The following ZSWIM4 variants were observed in gnomAD, a reference collection of about 807,000 sequenced individuals.
ZSWIM4 encodes the protein zinc finger SWIM-type containing 4, also known as zinc finger SWIM domain-containing protein 4.
A neutral mutation model predicts 102.5 loss-of-function variants in ZSWIM4; 62 were observed. That is an observed-to-expected ratio of 0.60 (90% CI 0.49 to 0.75). ZSWIM4 has a LOEUF of 0.75. Among genes scored for constraint, ZSWIM4 ranks in the 30% least tolerant of loss-of-function variants. ZSWIM4 has a pLI of 0.00. For synonymous variants in ZSWIM4, 652 were observed against 674.5 expected, an observed-to-expected ratio of 0.97 and a Z score of 0.52; for missense variants, 1,280 against 1,529.6, an observed-to-expected ratio of 0.84 and a Z score of 2.72.
chr19:13,795,575 C>T lies in ZSWIM4; in HGVS notation c.-74C>T, dbSNP rs1331191269. 2.5e-5 allele frequency: 6 copies of T among 241,216 alleles called. No individual in the cohort carries two copies. Among genetic ancestry groups the T allele is most frequent in the Non-Finnish European group, 4.6e-5 (6 of 129,308 alleles). The allele number at this position is 241,216 out of a possible 1,614,324, so 14.9% of individuals were successfully genotyped here. On this transcript the variant is annotated 5_prime_UTR_variant, in exon 1 of 14. Coordinates refer to ENST00000590508, the MANE Select transcript of ZSWIM4 (RefSeq NM_001367834.3). ...GAAGGAGGGCAGGGGGCGCGGGAGCCGGCGAAGCGGAGCGGGCATCGGACC... is the reference window on the plus strand; with the variant it reads ...GAAGGAGGGCAGGGGGCGCGGGAGCTGGCGAAGCGGAGCGGGCATCGGACC...
chr19:13,830,523 C>G lies in ZSWIM4; in HGVS notation c.2794C>G (p.Arg932Gly), dbSNP rs565047636. 5 of 1,599,486 alleles carry G rather than the reference C, an allele frequency of 3.1e-6. No homozygotes were observed. Among genetic ancestry groups the G allele is most frequent in the Non-Finnish European group, 3.4e-6 (4 of 1,179,364 alleles). The stretch of plus-strand genomic sequence containing the variant: ...CACTGTGGCCCGCTATATGGAGCAC[C>G]GCGGGCTGCCGCTCCGGGCCTACAA... ...LFTVARYMEH[R>G]GLPLRAYKLA... The change falls in exon 14 of 14, where the codon CGC (arginine) becomes GGC (glycine). Residue 932 changes from arginine to glycine, a missense_variant. Arg to Gly is a moderately radical substitution (Grantham distance 125, BLOSUM62 -2). Transcript: ENST00000590508.
intron 5 of ZSWIM4, among the ~76,000 whole-genome samples, chr19:13,810,994 A>T (rs189691326): frequency 1.3e-4 from 19 of 144,042 alleles, no homozygotes; most frequent in African/African-American, 4.5e-4. Flanking sequence ...GCTCACTGCA[A>T]GCTCCGCCCC....
In ZSWIM4 at chr19:13,830,508, C is replaced by T; in HGVS notation, c.2779C>T (p.Arg927Cys). The T allele has an allele frequency of 6.2e-7, 1 of 1,600,228 alleles. No individual in the cohort carries two copies. The highest frequency in any genetic ancestry group is 1.3e-5 in the African/African-American group (1 of 75,038). Residue 927 changes from arginine to cysteine, a missense_variant, in exon 14 of 14, where the codon CGC (arginine) becomes TGC (cysteine). By Grantham distance (180) the Arg-to-Cys change is radical (BLOSUM62 -3). Coordinates refer to ENST00000590508, the MANE Select transcript of ZSWIM4 (RefSeq NM_001367834.3). ...CCACGCCCACCTCTTCACTGTGGCC[C>T]GCTATATGGAGCACCGCGGGCTGCC... ...LGHAHLFTVA[R>C]YMEHRGLPLR... is the part of the protein sequence containing the mutation.
intron 2 of ZSWIM4, among the ~76,000 whole-genome samples, chr19:13,800,137 G>A (rs1200847577): frequency 6.8e-6 from 1 of 147,840 alleles, no homozygotes; most frequent in Non-Finnish European, 1.5e-5. Flanking sequence ...GCGCGATCTC[G>A]GCTCACTGCA....
chr19:13,809,072 G>A lies in ZSWIM4; in HGVS notation c.864G>A (p.Val288=). 6.2e-7 allele frequency: 1 copy of A among 1,612,648 alleles called. No homozygotes were observed. Among genetic ancestry groups the A allele is most frequent in the Non-Finnish European group, 8.5e-7 (1 of 1,179,070 alleles). Residue 288 remains valine (V), a splice_region_variant and synonymous_variant, in exon 5 of 14, where the codon GTG becomes GTA. Transcript: ENST00000590508. The surrounding 1 kb of genome is among the most constrained non-coding windows in gnomAD (Gnocchi z 4.2). Reference sequence around the variant, plus strand: ...TCACCACCCTGTCCCCGGCACAGGTGCGGGAGATGCTGCGAATGCGGGACT... The same window carrying A: ...TCACCACCCTGTCCCCGGCACAGGTACGGGAGATGCTGCGAATGCGGGACT... ...SQQLRSMFSK[V]REMLRMRDSN... is the part of the protein sequence containing the mutation.
chr19:13,827,468 G>C (rs112087823), intron 12 of ZSWIM4, among the ~76,000 whole-genome samples: 6,613 of 150,548 alleles, frequency 0.044, 482 homozygotes, highest in African/African-American at 0.15. Context: ...TGGTGGACGC[G>C]TGTAGTCCCA....
At position 13,819,359 on chromosome 19, in the gene ZSWIM4, G is replaced by A; in HGVS notation, c.1927G>A (p.Gly643Ser). Residue 643 changes from glycine (G) to serine (S), a missense_variant and splice_region_variant, in exon 10 of 14, where the codon GGT (glycine) becomes AGT (serine). Gly to Ser is a moderately conservative substitution (Grantham distance 56). Coordinates refer to ENST00000590508, the MANE Select transcript of ZSWIM4 (RefSeq NM_001367834.3). Reference sequence around the variant, plus strand: ...CTGAGCTCAGGCTGTTCCTGCAGGGGGTCCCTTCAGTGGCTTTGGGGAGGT... The same window carrying A: ...CTGAGCTCAGGCTGTTCCTGCAGGGAGTCCCTTCAGTGGCTTTGGGGAGGT... ...RKQAGLLLEGGPFSGFGEVLF... is the reference protein window; with the variant it reads ...RKQAGLLLEGSPFSGFGEVLF... The A allele has an allele frequency of 6.2e-7, 1 of 1,613,908 alleles. No homozygotes were observed. Among genetic ancestry groups the A allele is most frequent in the Non-Finnish European group, 8.5e-7 (1 of 1,179,934 alleles).
chr19:13,799,949 G>C (rs770433660), intron 2 of ZSWIM4, 28 bp downstream of exon 2: 3 of 1,594,924 alleles, frequency 1.9e-6, no homozygotes, highest in Non-Finnish European at 2.6e-6. Flanking sequence ...ACTCCTGCTG[G>C]GGAGGCCAGG....
Position 13,825,656 on chromosome 19 carries a change from G to C in ZSWIM4, c.2322G>C (p.Pro774=), listed in dbSNP as rs764944710. The part of the protein sequence containing the change: ...LAQDACKTAT[P]VSAPPDTTLL... ...AGGACGCCTGCAAGACAGCCACCCC[G>C]GTCAGCGCCCCACCAGACACCACGC... Residue 774 remains proline, a synonymous_variant, in exon 12 of 14, where the codon CCG becomes CCC. Transcript: ENST00000590508. This position sits in a 1 kb window ranked among gnomAD's most constrained non-coding sequence, Gnocchi z 4.6. 1.9e-6 allele frequency: 3 copies of C among 1,613,458 alleles called. No homozygotes were observed. The highest frequency in any genetic ancestry group is 1.1e-5 in the South Asian group (1 of 91,078).
At chr19:13,824,884 A>G (rs1307949767) in intron 11 of ZSWIM4, among the ~76,000 whole-genome samples, 1 of 151,960 alleles carries the variant, frequency 6.6e-6, no homozygotes, top group Non-Finnish European at 1.5e-5. Flanking sequence ...CCCATTTTAC[A>G]GATGGGGCAG....
intron 3 of ZSWIM4, among the ~76,000 whole-genome samples, chr19:13,808,482 T>A (rs1974976924): frequency 2.0e-5 from 3 of 151,900 alleles, no homozygotes; most frequent in African/African-American, 7.3e-5. Flanking sequence ...ATGCCTGTAA[T>A]CCCAGCACTT....
At chr19:13,801,090 C>A (rs1974758593) in intron 2 of ZSWIM4, among the ~76,000 whole-genome samples, 2 of 150,902 alleles carry the variant, frequency 1.3e-5, no homozygotes, top group African/African-American at 4.9e-5. Context: ...CTGCAGTAAG[C>A]TATGATTGCA....
intron 8 of ZSWIM4, 119 bp from the exon 9 acceptor site, chr19:13,817,603 G>A: frequency 1.5e-6 from 2 of 1,294,198 alleles, no homozygotes; most frequent in South Asian, 1.5e-5. Context: ...AGTGCTGGGA[G>A]CTTCTGGGCT....
At chr19:13,803,174 G>A (rs10410199) in intron 2 of ZSWIM4, among the ~76,000 whole-genome samples, 2,490 of 152,270 alleles carry the variant, frequency 0.016, 65 homozygotes, top group African/African-American at 0.057. Context: ...ACATGGCCCC[G>A]CTGACCACGG....
At chr19:13,829,741 C>T (rs560959748) in intron 13 of ZSWIM4, among the ~76,000 whole-genome samples, 11 of 152,106 alleles carry the variant, frequency 7.2e-5, no homozygotes, top group Middle Eastern at 3.4e-3. Context: ...AGGAGAATGG[C>T]GTGAACCCAG....
chr19:13,805,171 G>A (rs1000853971), intron 3 of ZSWIM4, 23 bp downstream of exon 3: 1 of 1,577,496 alleles, frequency 6.3e-7, no homozygotes, highest in Admixed American at 1.7e-5. Context: ...CGGGGGTCCG[G>A]TGGGGAGAGG....
At position 13,809,975 on chromosome 19, in the gene ZSWIM4, T is replaced by A. The variant is rs180975536; in HGVS notation, c.1012+755T>A. 4.3e-4 allele frequency among the ~76,000 whole-genome samples: 65 copies of A among 151,208 alleles called. No individual in the cohort carries two copies. The highest frequency in any genetic ancestry group is 1.5e-3 in the African/African-American group (61 of 40,986). Reference sequence around the variant, plus strand: ...CCAAGCTGACATATTTTTGTTTGTTTGTTTTCTTTTCTTTTCTTTTTTTTT... The same window carrying A: ...CCAAGCTGACATATTTTTGTTTGTTAGTTTTCTTTTCTTTTCTTTTTTTTT... On this transcript the variant is annotated intron_variant, in intron 5 of 13. Transcript: ENST00000590508. This position sits in a 1 kb window ranked among gnomAD's most constrained non-coding sequence, Gnocchi z 4.2.
At chr19:13,803,509 C>T (rs1260241142) in intron 2 of ZSWIM4, among the ~76,000 whole-genome samples, 1 of 151,902 alleles carries the variant, frequency 6.6e-6, no homozygotes, top group Non-Finnish European at 1.5e-5. Context: ...GGGCTGGGCT[C>T]GGTGGCTCGC....
At position 13,817,352 on chromosome 19, in the gene ZSWIM4, A is replaced by C; in HGVS notation, c.1668A>C (p.Pro556=). 1 of 1,612,596 alleles carries C rather than the reference A, an allele frequency of 6.2e-7. No individual in the cohort carries two copies. Among genetic ancestry groups the C allele is most frequent in the South Asian group, 1.1e-5 (1 of 90,940 alleles). The change falls in exon 8 of 14, where the codon CCA becomes CCC. Residue 556 remains proline, a splice_region_variant and synonymous_variant. Coordinates refer to ENST00000590508, the MANE Select transcript of ZSWIM4 (RefSeq NM_001367834.3). The part of the protein sequence containing the change: ...RLEEETLTLY[P]DSGPEKRKVA... The stretch of plus-strand genomic sequence containing the variant: ...AGGAGGAGACACTTACCCTTTACCC[A>C]GGTACTCACATGGGGTACTCTTGGA...
Sources: allele counts gnomAD v4.1 joint callset (sites outside exome capture counted in the v4.1 genomes callset), GRCh38; gene constraint gnomAD v4.1.1; non-coding constraint Gnocchi (gnomAD v3.1); transcripts MANE v1.5; gene names NCBI Gene and HGNC (gene_info 2026-07-23, HGNC 2026-07-21).